SH3RF3: variants seen among roughly 807,000 people sequenced by gnomAD.
SH3RF3 encodes E3 ubiquitin-protein ligase SH3RF3.
SH3RF3 carries 29 observed loss-of-function variants against 66.3 expected under a neutral mutation model. The observed-to-expected ratio is 0.44, with a 90% confidence interval of 0.33 to 0.60. SH3RF3 has a LOEUF of 0.60. SH3RF3 is among the 20% of genes least tolerant of loss of function. The pLI, the probability that SH3RF3 is intolerant of heterozygous loss-of-function variation, is 0.04. For synonymous variants in SH3RF3, 583 were observed against 532.0 expected, an observed-to-expected ratio of 1.10 and a Z score of -1.32; for missense variants, 1,194 against 1,190.9, an observed-to-expected ratio of 1.00 and a Z score of -0.04.
At chr2:109,400,813 T>C (rs1676295400) in intron 4 of SH3RF3, among the ~76,000 whole-genome samples, 1 of 152,198 alleles carries the variant, frequency 6.6e-6, no homozygotes. Context: ...CCCCCATGGT[T>C]ACCCCACTGC....
chr2:109,246,643 G>A (rs182655751), intron 1 of SH3RF3, among the ~76,000 whole-genome samples: 2 of 152,164 alleles, frequency 1.3e-5, no homozygotes, highest in African/African-American at 4.8e-5. Context: ...CTCCCTGCAC[G>A]TGTCTTATTT....
At chr2:109,270,849 T>C (rs1680608888) in intron 1 of SH3RF3, among the ~76,000 whole-genome samples, 1 of 152,204 alleles carries the variant, frequency 6.6e-6, no homozygotes, top group Non-Finnish European at 1.5e-5. Flanking sequence ...GTTGGTAGGA[T>C]GGAGTGGCCA....
At chr2:109,451,767 C>T (rs561221780) in intron 8 of SH3RF3, among the ~76,000 whole-genome samples, 4 of 152,380 alleles carry the variant, frequency 2.6e-5, no homozygotes, top group Admixed American at 6.5e-5. Context: ...CATGCAGGGA[C>T]GCCCTGCCAT....
At chr2:109,276,482 C>G (rs956776918) in intron 1 of SH3RF3, among the ~76,000 whole-genome samples, 1 of 152,128 alleles carries the variant, frequency 6.6e-6, no homozygotes, top group South Asian at 2.1e-4. Context: ...GCCCAGGTGT[C>G]GCTGCATGGA....
At chr2:109,420,283 A>T (rs1208248323) in intron 5 of SH3RF3, among the ~76,000 whole-genome samples, 1 of 152,206 alleles carries the variant, frequency 6.6e-6, no homozygotes, top group African/African-American at 2.4e-5. Context: ...GGCAGAGCTC[A>T]GTCACTTGAA....
At chr2:109,192,954 C>T (rs1283573760) in intron 1 of SH3RF3, among the ~76,000 whole-genome samples, 1 of 152,044 alleles carries the variant, frequency 6.6e-6, no homozygotes, top group Non-Finnish European at 1.5e-5. Flanking sequence ...GGGTGTTTTG[C>T]AAGAAGAAGA....
chr2:109,232,203 A>G (rs1345410763), intron 1 of SH3RF3, among the ~76,000 whole-genome samples: 1 of 152,208 alleles, frequency 6.6e-6, no homozygotes, highest in Non-Finnish European at 1.5e-5. Flanking sequence ...CAGGCTATTT[A>G]CTAAAGTGGC....
At chr2:109,476,854 A>G (rs541023854) in intron 8 of SH3RF3, among the ~76,000 whole-genome samples, 33 of 152,342 alleles carry the variant, frequency 2.2e-4, no homozygotes, top group African/African-American at 7.5e-4. Context: ...TTATTAAACC[A>G]TATCGGGTAA....
chr2:109,328,454 T>A (rs1222218728), intron 1 of SH3RF3, among the ~76,000 whole-genome samples: 2 of 152,192 alleles, frequency 1.3e-5, no homozygotes, highest in Non-Finnish European at 2.9e-5. Flanking sequence ...CCATTCCCTG[T>A]ATTTCCTGTA....
chr2:109,282,169 C>G (rs1680910522), intron 1 of SH3RF3, among the ~76,000 whole-genome samples: 1 of 152,048 alleles, frequency 6.6e-6, no homozygotes, highest in Non-Finnish European at 1.5e-5. Flanking sequence ...TGGATAGCAG[C>G]TATTTTTCTT....
intron 9 of SH3RF3, among the ~76,000 whole-genome samples, chr2:109,500,108 C>A (rs988673867): frequency 6.6e-6 from 1 of 152,106 alleles, no homozygotes; most frequent in African/African-American, 2.4e-5. Flanking sequence ...AACCCACAGT[C>A]GATTCTTTTG....
At chr2:109,337,170 A>T (rs4676275) in intron 1 of SH3RF3, among the ~76,000 whole-genome samples, 24,334 of 152,198 alleles carry the variant, frequency 0.16, 2,540 homozygotes, top group East Asian at 0.49. Context: ...ACTGGCTCAT[A>T]GGGTGATTTT....
At chr2:109,483,859 C>T (rs2104771362) in intron 8 of SH3RF3, among the ~76,000 whole-genome samples, 1 of 152,264 alleles carries the variant, frequency 6.6e-6, no homozygotes, top group African/African-American at 2.4e-5. Flanking sequence ...CCACCATCCC[C>T]TGCTTAGCTG....
At chr2:109,325,758 G>A (rs965736899) in intron 1 of SH3RF3, among the ~76,000 whole-genome samples, 3 of 152,182 alleles carry the variant, frequency 2.0e-5, no homozygotes, top group Non-Finnish European at 4.4e-5. Context: ...CTACCAGCCT[G>A]GAGTAGTGTG....
At chr2:109,387,898 C>T (rs1675868186) in intron 3 of SH3RF3, among the ~76,000 whole-genome samples, 1 of 152,170 alleles carries the variant, frequency 6.6e-6, no homozygotes, top group African/African-American at 2.4e-5. Flanking sequence ...CACCCGCACA[C>T]GGCCCTTCCT....
In SH3RF3 at chr2:109,423,426, C is replaced by T. The variant is rs376797174; in HGVS notation, c.1403+3784C>T. Among the ~76,000 whole-genome samples the T allele has an allele frequency of 7.2e-4, 110 of 152,260 alleles. 2 individuals carry two copies. The Middle Eastern group carries it at 0.02, about 28-fold the overall frequency. On this transcript the variant is annotated intron_variant, in intron 5 of 9. Transcript: ENST00000309415. ...TGCGTGTGGTCAAAAGGCCACCAAACCATCCTCAATAACAACAGTCCCCAC... is the reference window on the plus strand; with the variant it reads ...TGCGTGTGGTCAAAAGGCCACCAAATCATCCTCAATAACAACAGTCCCCAC...
chr2:109,188,388 G>A (rs1242469229), intron 1 of SH3RF3, among the ~76,000 whole-genome samples: 1 of 152,186 alleles, frequency 6.6e-6, no homozygotes, highest in Non-Finnish European at 1.5e-5. Flanking sequence ...TTGCATGGGA[G>A]GCTGCTGCTC....
At position 109,449,282 on chromosome 2, in the gene SH3RF3, G is replaced by T. The variant is rs1677798408; in HGVS notation, c.1941G>T (p.Val647=). 6.2e-7 allele frequency: 1 copy of T among 1,610,276 alleles called. No homozygotes were observed. The highest frequency in any genetic ancestry group is 8.5e-7 in the Non-Finnish European group (1 of 1,178,300). ...LPATSLRPHS[V]VSPQHSHQPP... ...CCACCAGCCTCAGGCCCCACTCGGTGGTGTCCCCGCAGCACAGCCACCAGC... is the reference window on the plus strand; with the variant it reads ...CCACCAGCCTCAGGCCCCACTCGGTTGTGTCCCCGCAGCACAGCCACCAGC... The change falls in exon 8 of 10, where the codon GTG becomes GTT. Residue 647 remains valine, a synonymous_variant. Transcript: ENST00000309415.
intron 7 of SH3RF3, 77 bp from the exon 8 acceptor site, chr2:109,449,093 G>C (rs1677790337): frequency 6.7e-7 from 1 of 1,499,286 alleles, no homozygotes. Context: ...GCCTGAGTGT[G>C]CATTGCAGCT....
Sources: gnomAD v4.1 joint callset for allele counts (sites outside exome capture counted in the v4.1 genomes callset) on GRCh38, gnomAD v4.1.1 for gene constraint, MANE v1.5 for transcripts, NCBI Gene and HGNC (gene_info 2026-07-23, HGNC 2026-07-21) for gene names.